The following NPAS3 variants were observed in gnomAD, a reference collection of about 807,000 sequenced individuals.
The protein encoded by NPAS3 is neuronal PAS domain-containing protein 3.
In NPAS3, 14 loss-of-function variants were observed where a neutral mutation model predicts 73.1. The observed-to-expected ratio is 0.19, with a 90% CI of 0.13 to 0.30. The LOEUF (loss-of-function observed/expected upper bound fraction) is 0.30. Ranked by LOEUF, NPAS3 falls within the 10% of genes least tolerant of loss-of-function variation. NPAS3 has a pLI of 1.00. For synonymous variants in NPAS3, 620 were observed against 541.5 expected (o/e 1.14, Z -2.01); for missense variants, 1,096 against 1,250.0 (o/e 0.88, Z 1.86).
chr14:33,450,755 T>G (rs2049754790), intron 4 of NPAS3, among the ~76,000 whole-genome samples: 1 of 152,222 alleles, frequency 6.6e-6, no homozygotes, highest in Non-Finnish European at 1.5e-5. Flanking sequence ...TAATTGCTGT[T>G]GGTTTTACTC....
intron 4 of NPAS3, among the ~76,000 whole-genome samples, chr14:33,467,563 C>T (rs1407859214): frequency 6.6e-6 from 1 of 152,066 alleles, no homozygotes; most frequent in African/African-American, 2.4e-5. Flanking sequence ...GAAACATGAA[C>T]GCATCTGTTT....
chr14:33,165,606 A>T (rs1344658728), intron 2 of NPAS3, among the ~76,000 whole-genome samples: 1 of 152,106 alleles, frequency 6.6e-6, no homozygotes, highest in East Asian at 1.9e-4. Flanking sequence ...CTGATAATTT[A>T]TTGTTGAAAG....
chr14:33,529,103 C>T (rs1235923672), intron 4 of NPAS3, among the ~76,000 whole-genome samples: 1 of 152,062 alleles, frequency 6.6e-6, no homozygotes, highest in Non-Finnish European at 1.5e-5. Context: ...AATGTTCTTT[C>T]GAAGGGATGG....
intron 4 of NPAS3, among the ~76,000 whole-genome samples, chr14:33,404,487 C>A (rs2047579781): frequency 6.6e-6 from 1 of 151,830 alleles, no homozygotes; most frequent in Non-Finnish European, 1.5e-5. Flanking sequence ...CTTTTTTTCC[C>A]TTTTTCCTTC....
chr14:33,606,654 C>A (rs1196673275), intron 5 of NPAS3, among the ~76,000 whole-genome samples: 1 of 152,062 alleles, frequency 6.6e-6, no homozygotes, highest in South Asian at 2.1e-4. Context: ...TAGAAGAAAA[C>A]GTGAGAAAAC....
intron 4 of NPAS3, among the ~76,000 whole-genome samples, chr14:33,517,358 C>T (rs1434931409): frequency 1.3e-5 from 2 of 152,074 alleles, no homozygotes; most frequent in African/African-American, 4.8e-5. Context: ...TCATGACATA[C>T]ATTACATTTA....
chr14:33,139,943 A>ATTTT (rs34900907), intron 2 of NPAS3, among the ~76,000 whole-genome samples: 102 of 150,192 alleles, frequency 6.8e-4, no homozygotes, highest in African/African-American at 2.1e-3. Flanking sequence ...TGCCTGCATG[A>ATTTT]TTTTTTTTTT....
intron 7 of NPAS3, among the ~76,000 whole-genome samples, chr14:33,736,492 T>C (rs1171331614): frequency 1.3e-5 from 2 of 152,164 alleles, no homozygotes; most frequent in South Asian, 2.1e-4. Context: ...CTCTACCCGA[T>C]AGAGGCTTCT....
chr14:33,694,268 G>T (rs1245954594), intron 6 of NPAS3, among the ~76,000 whole-genome samples: 3 of 152,106 alleles, frequency 2.0e-5, no homozygotes, highest in Non-Finnish European at 4.4e-5. Flanking sequence ...CATTATCTAA[G>T]AAATGATATG....
intron 4 of NPAS3, among the ~76,000 whole-genome samples, chr14:33,549,335 G>A (rs533960436): frequency 2.6e-5 from 4 of 152,066 alleles, no homozygotes; most frequent in South Asian, 2.1e-4. Context: ...AGGTTTAAGC[G>A]TTCCTCCCAC....
rs1234016811 is a variant in NPAS3, at chr14:32,947,791, C to A, written c.50+8425C>A. On this transcript the variant is annotated intron_variant, in intron 1 of 11. Coordinates refer to ENST00000356141, the Ensembl canonical transcript of NPAS3. ...TCCTAATGCTGTAAGGCAAAGTAGGCTCATCATTTTTTTTTGCACATTTTT... is the reference window on the plus strand; with the variant it reads ...TCCTAATGCTGTAAGGCAAAGTAGGATCATCATTTTTTTTTGCACATTTTT... Among the ~76,000 whole-genome samples the A allele has an allele frequency of 2.0e-5, 3 of 151,988 alleles. No homozygotes were observed. The East Asian group carries it at 5.8e-4, about 29-fold the overall frequency.
chr14:33,116,599 G>GT (rs1363915094), intron 2 of NPAS3, among the ~76,000 whole-genome samples: 1 of 152,054 alleles, frequency 6.6e-6, no homozygotes. Context: ...TAACACAAGA[G>GT]TTTTTTATTT....
At chr14:33,447,568 A>G (rs1218535162) in intron 4 of NPAS3, among the ~76,000 whole-genome samples, 2 of 152,190 alleles carry the variant, frequency 1.3e-5, no homozygotes, top group East Asian at 3.9e-4. Flanking sequence ...TGTGACCACT[A>G]TGGAAAGAAG....
intron 4 of NPAS3, among the ~76,000 whole-genome samples, chr14:33,463,372 A>G (rs1185285027): frequency 3.3e-5 from 5 of 152,244 alleles, no homozygotes. Flanking sequence ...AAAGCTTTCA[A>G]GTAAACATTA....
At chr14:33,713,964 T>C (rs2060890410) in intron 6 of NPAS3, among the ~76,000 whole-genome samples, 1 of 152,134 alleles carries the variant, frequency 6.6e-6, no homozygotes, top group Non-Finnish European at 1.5e-5. Context: ...ACAGGCTGTT[T>C]CTTCTTCCTG....
intron 5 of NPAS3, among the ~76,000 whole-genome samples, chr14:33,654,433 C>T (rs187580368): frequency 3.3e-5 from 5 of 152,196 alleles, no homozygotes; most frequent in East Asian, 1.9e-4. Context: ...AGACAAGTTT[C>T]GGTTCACCTG....
chr14:32,955,953 C>T (rs1193390107), intron 1 of NPAS3, among the ~76,000 whole-genome samples: 1 of 152,072 alleles, frequency 6.6e-6, no homozygotes, highest in Admixed American at 6.5e-5. Flanking sequence ...TGTGGGGTCC[C>T]TGAAGATTAT....
chr14:33,430,140 T>G (rs1383349321), intron 4 of NPAS3, among the ~76,000 whole-genome samples: 1 of 152,142 alleles, frequency 6.6e-6, no homozygotes, highest in East Asian at 1.9e-4. Context: ...AAATAAAAGG[T>G]GCTTGTTGTT....
At chr14:33,281,339 T>A (rs1183604076) in intron 3 of NPAS3, among the ~76,000 whole-genome samples, 1 of 152,056 alleles carries the variant, frequency 6.6e-6, no homozygotes, top group African/African-American at 2.4e-5. Context: ...ATTTTAAACA[T>A]TTTTTTTCAG....
Sources: allele counts gnomAD v4.1 joint callset (sites outside exome capture counted in the v4.1 genomes callset), GRCh38; gene constraint gnomAD v4.1.1; transcripts MANE v1.5; gene names NCBI Gene and HGNC (gene_info 2026-07-23, HGNC 2026-07-21).